Variants in EGFLAM observed in about 807,000 individuals in gnomAD.
The protein encoded by EGFLAM is EGF like, fibronectin type III and laminin G domains.
A neutral mutation model predicts 113.1 loss-of-function variants in EGFLAM; 79 were observed. The observed-to-expected ratio is 0.70, with a 90% CI of 0.58 to 0.84. The LOEUF (loss-of-function observed/expected upper bound fraction) is 0.84, where lower values mean the gene tolerates loss of function less well. Ranked by LOEUF, EGFLAM falls within the 40% of genes least tolerant of loss-of-function variation. EGFLAM has a pLI of 0.00. For missense variants in EGFLAM, 1,265 were observed against 1,291.6 expected (o/e 0.98, Z 0.32); for synonymous variants, 504 against 487.6 (o/e 1.03, Z -0.44).
chr5:38,287,069 G>A (rs1173002656), intron 1 of EGFLAM, among the ~76,000 whole-genome samples: 1 of 152,204 alleles, frequency 6.6e-6, no homozygotes, highest in Non-Finnish European at 1.5e-5. Context: ...TATTTGTATG[G>A]CACTTTGGTT....
chr5:38,373,431 G>T (rs1740276393), intron 6 of EGFLAM, among the ~76,000 whole-genome samples: 1 of 152,086 alleles, frequency 6.6e-6, no homozygotes, highest in Non-Finnish European at 1.5e-5. Context: ...CTGCCTTTTG[G>T]AGTCCCCATT....
intron 17 of EGFLAM, 107 bp from the exon 18 acceptor site, chr5:38,448,194 G>A (rs1300436544): frequency 8.1e-7 from 1 of 1,232,232 alleles, no homozygotes; most frequent in Non-Finnish European, 1.2e-6. Context: ...CTGATGAATT[G>A]TTAAACATCC....
chr5:38,308,655 C>CA (rs771853425), intron 1 of EGFLAM, among the ~76,000 whole-genome samples: 32 of 151,460 alleles, frequency 2.1e-4, no homozygotes, highest in Non-Finnish European at 2.9e-4. Flanking sequence ...AATAGATGCT[C>CA]AAAAAAAAGG....
chr5:38,273,309 A>G (rs1357331111), intron 1 of EGFLAM, among the ~76,000 whole-genome samples: 3 of 152,214 alleles, frequency 2.0e-5, no homozygotes, highest in Admixed American at 1.3e-4. Context: ...ATACCCACAG[A>G]CATAGCCCCT....
intron 1 of EGFLAM, among the ~76,000 whole-genome samples, chr5:38,328,659 T>C (rs1738951360): frequency 6.6e-6 from 1 of 151,746 alleles, no homozygotes; most frequent in Non-Finnish European, 1.5e-5. Flanking sequence ...ATTTTTGAAA[T>C]GTGTATTTCT....
rs1741717137 is a variant in EGFLAM at position 38,418,247 on chromosome 5, C to G, written c.1676C>G (p.Ala559Gly). 2 of 1,613,050 alleles carry G rather than the reference C, an allele frequency of 1.2e-6. No homozygotes were observed. Among genetic ancestry groups the G allele is most frequent in the Admixed American group, 1.7e-5 (1 of 59,890 alleles). The change falls in exon 12 of 22, where the codon GCT (alanine) becomes GGT (glycine). Residue 559 changes from alanine to glycine, a missense_variant. Ala to Gly is a moderately conservative substitution (Grantham distance 60, BLOSUM62 0). Transcript: ENST00000322350. ...CCCCTGGGAAAAGCACTCAGTGGGG[C>G]TGATGTGGGTAAGTGGCTGCCTGGT... is the stretch of plus-strand genomic sequence containing the variant. The part of the protein sequence containing the change: ...PWPLGKALSG[A>G]DVGECSSGIC...
At chr5:38,443,326 C>A (rs576438958) in intron 17 of EGFLAM, among the ~76,000 whole-genome samples, 2 of 152,078 alleles carry the variant, frequency 1.3e-5, no homozygotes, top group African/African-American at 4.8e-5. Context: ...CACTAAAATG[C>A]GAAGGATAAC....
chr5:38,273,651 G>A (rs911042673), intron 1 of EGFLAM, among the ~76,000 whole-genome samples: 2 of 152,246 alleles, frequency 1.3e-5, no homozygotes, highest in Admixed American at 6.5e-5. Flanking sequence ...GCACTGCAAT[G>A]TGTGCAGTAA....
rs376924089 is a variant in EGFLAM at position 38,312,132 on chromosome 5, G to T, written c.98-25388G>T. 7.9e-5 allele frequency among the ~76,000 whole-genome samples: 12 copies of T among 152,202 alleles called. No individual in the cohort carries two copies. In the South Asian group the frequency reaches 1.0e-3, roughly 13 times the overall value. The stretch of plus-strand genomic sequence containing the variant: ...AATGCAATAATCTCTGTATGGTGTG[G>T]TTACAAGTGCTGGCTTTGGAGCCAA... On this transcript the variant is annotated intron_variant, in intron 1 of 21. Transcript: ENST00000322350.
intron 11 of EGFLAM, among the ~76,000 whole-genome samples, 192 bp downstream of exon 11, chr5:38,412,840 G>A (rs1741528163): frequency 6.6e-6 from 1 of 152,120 alleles, no homozygotes; most frequent in Non-Finnish European, 1.5e-5. Context: ...TGCACTCCAG[G>A]TGAGCTTTCA....
intron 1 of EGFLAM, among the ~76,000 whole-genome samples, chr5:38,291,537 TCCA>T (rs1254793547): frequency 6.6e-6 from 1 of 152,176 alleles, no homozygotes; most frequent in Admixed American, 6.5e-5. Context: ...CAGGTTCCTC[TCCA>T]CGTGTCTCCA....
chr5:38,450,380 GGCTCTGGGAAGCCTA>G (rs1341473315), intron 18 of EGFLAM, among the ~76,000 whole-genome samples: 1 of 152,182 alleles, frequency 6.6e-6, no homozygotes, highest in Admixed American at 6.5e-5. Flanking sequence ...GACGAGCTCA[GGCTCTGGGAAGCCTA>G]GATAATAGTT....
intron 12 of EGFLAM, among the ~76,000 whole-genome samples, chr5:38,423,122 C>G (rs1473284316): frequency 6.6e-6 from 1 of 152,310 alleles, no homozygotes; most frequent in South Asian, 2.1e-4. Context: ...CTGTTCACAG[C>G]CACTCTCATT....
intron 6 of EGFLAM, among the ~76,000 whole-genome samples, chr5:38,386,826 C>A (rs1381536958): frequency 6.6e-6 from 1 of 152,180 alleles, no homozygotes; most frequent in African/African-American, 2.4e-5. Flanking sequence ...TTTTGCCAAA[C>A]CCTTTTTGAA....
rs1281484692 is a variant in EGFLAM, at chr5:38,389,804, T to C, written c.713-16322T>C. 3.3e-5 allele frequency among the ~76,000 whole-genome samples: 5 copies of C among 152,200 alleles called. No individual in the cohort carries two copies. The East Asian group carries it at 9.6e-4, about 29-fold the overall frequency. On this transcript the variant is annotated intron_variant, in intron 6 of 21. Transcript: ENST00000322350. ...TCCATACACATAATTTTCCCTCCTATTTTTATCTCTTTGACATTTTACTTA... is the reference window on the plus strand; with the variant it reads ...TCCATACACATAATTTTCCCTCCTACTTTTATCTCTTTGACATTTTACTTA...
chr5:38,431,328 G>C, intron 15 of EGFLAM, 40 bp downstream of exon 15: 1 of 1,590,370 alleles, frequency 6.3e-7, no homozygotes, highest in Non-Finnish European at 8.6e-7. Flanking sequence ...GTTAGTGTGA[G>C]CCAGATTACT....
intron 3 of EGFLAM, among the ~76,000 whole-genome samples, chr5:38,350,238 G>T (rs149670701): frequency 2.1e-4 from 32 of 152,284 alleles, no homozygotes; most frequent in African/African-American, 7.0e-4. Context: ...GATGTTCACA[G>T]TAACATTTGC....
At chr5:38,434,113 A>G (rs1742270087) in intron 15 of EGFLAM, among the ~76,000 whole-genome samples, 2 of 152,094 alleles carry the variant, frequency 1.3e-5, no homozygotes, top group Non-Finnish European at 2.9e-5. Context: ...TTTGGGTAAA[A>G]TTCATGCTCG....
At chr5:38,391,410 G>GTT (rs112413549) in intron 6 of EGFLAM, among the ~76,000 whole-genome samples, 26 of 151,108 alleles carry the variant, frequency 1.7e-4, no homozygotes, top group Middle Eastern at 3.4e-3. Context: ...GTGTGTGTGT[G>GTT]TGTGTGTGAT....
Sources: gnomAD v4.1 joint callset for allele counts (sites outside exome capture counted in the v4.1 genomes callset) on GRCh38, gnomAD v4.1.1 for gene constraint, MANE v1.5 for transcripts, NCBI Gene and HGNC (gene_info 2026-07-23, HGNC 2026-07-21) for gene names.